Variants in CA10 observed in about 807,000 individuals in gnomAD.
CA10 encodes carbonic anhydrase-related protein 10.
A neutral mutation model predicts 44.2 loss-of-function variants in CA10; 14 were observed. The observed-to-expected ratio is 0.32, with a 90% CI of 0.21 to 0.50. CA10 has a LOEUF of 0.50. CA10 is among the 20% of genes least tolerant of loss of function. CA10 has a pLI of 0.99. For synonymous variants in CA10, 159 were observed against 141.6 expected (o/e 1.12, Z -0.87); for missense variants, 350 against 409.7 (o/e 0.85, Z 1.26).
rs1295494470 is a variant in CA10 at position 52,048,051 on chromosome 17, A to AT, written c.136+24267_136+24268insA. On this transcript the variant is annotated intron_variant, in intron 2 of 8. Transcript: ENST00000451037. ...TCCCACACCCACAAAAATTAAAAAA[A>AT]AAAAAAACATTTGTTTTTGGTTTTA... Among the ~76,000 whole-genome samples, 8 of 151,866 alleles carry AT rather than the reference A, an allele frequency of 5.3e-5. No homozygotes were observed. In the East Asian group the frequency reaches 7.8e-4, roughly 15 times the overall value.
At chr17:51,687,842 TA>T (rs1426176074) in intron 4 of CA10, among the ~76,000 whole-genome samples, 1 of 152,234 alleles carries the variant, frequency 6.6e-6, no homozygotes, top group East Asian at 1.9e-4. Context: ...TCTAGTTTTC[TA>T]AAAAAGTTAT....
At chr17:51,669,587 C>T (rs572456686) in intron 4 of CA10, among the ~76,000 whole-genome samples, 31 of 152,142 alleles carry the variant, frequency 2.0e-4, no homozygotes, top group Non-Finnish European at 2.4e-4. Context: ...TAACACTCAC[C>T]GCGAAGGTCT....
rs888012814 is a variant in CA10 at position 51,816,903 on chromosome 17, T to C, written c.280-69085A>G. On this transcript the variant is annotated intron_variant, in intron 3 of 8. Transcript: ENST00000451037. Reference sequence around the variant, plus strand: ...GGAGCTTGGTTCCTGGATGACTGCATGGAGCAGAGTCCTCCCTTCCACCAA... The same window carrying C: ...GGAGCTTGGTTCCTGGATGACTGCACGGAGCAGAGTCCTCCCTTCCACCAA... 3.9e-5 allele frequency among the ~76,000 whole-genome samples: 6 copies of C among 152,204 alleles called. No individual in the cohort carries two copies. In the South Asian group the frequency reaches 6.2e-4, roughly 16 times the overall value.
At chr17:51,918,588 C>A (rs1302932883) in intron 3 of CA10, among the ~76,000 whole-genome samples, 1 of 152,116 alleles carries the variant, frequency 6.6e-6, no homozygotes, top group African/African-American at 2.4e-5. Context: ...TGTTTCAGAG[C>A]TAAGGGCCAG....
chr17:51,879,894 C>T (rs1001672400), intron 3 of CA10, among the ~76,000 whole-genome samples: 2 of 152,220 alleles, frequency 1.3e-5, no homozygotes, highest in African/African-American at 4.8e-5. Context: ...GTGTATTAAT[C>T]ATGTCTTCTA....
intron 1 of CA10, among the ~76,000 whole-genome samples, chr17:52,132,147 C>T (rs1989256652): frequency 6.6e-6 from 1 of 151,696 alleles, no homozygotes; most frequent in Non-Finnish European, 1.5e-5. Context: ...ACATTATGTA[C>T]ATGTACCCTA....
At chr17:52,022,105 T>C (rs1037203514) in intron 2 of CA10, among the ~76,000 whole-genome samples, 1 of 151,960 alleles carries the variant, frequency 6.6e-6, no homozygotes, top group South Asian at 2.1e-4. Flanking sequence ...ATTCATTTGA[T>C]GAAATCAGCA....
chr17:51,884,559 T>C lies in CA10; in HGVS notation c.279+46431A>G, dbSNP rs528593383. Among the ~76,000 whole-genome samples, 408 of 152,342 alleles carry C rather than the reference T, an allele frequency of 2.7e-3. 1 individual carries two copies. Among genetic ancestry groups the C allele is most frequent in the Non-Finnish European group, 4.5e-3 (309 of 68,036 alleles). On this transcript the variant is annotated intron_variant, in intron 3 of 8. Transcript: ENST00000451037. ...ATTGAGGCTTTCCATGACTATGGTA[T>C]TTAAAATAGCACACAGCTTCTCCTA...
At chr17:51,692,772 C>T (rs1915259855) in intron 4 of CA10, among the ~76,000 whole-genome samples, 1 of 152,208 alleles carries the variant, frequency 6.6e-6, no homozygotes, top group Non-Finnish European at 1.5e-5. Context: ...TGCAGGTTTT[C>T]ATGTGGAAAT....
chr17:51,792,782 A>G (rs938711013), intron 3 of CA10, among the ~76,000 whole-genome samples: 2 of 151,152 alleles, frequency 1.3e-5, no homozygotes, highest in Non-Finnish European at 2.9e-5. Context: ...TTTAACTCTT[A>G]TGACAACTAT....
intron 2 of CA10, among the ~76,000 whole-genome samples, chr17:51,980,317 T>A (rs1984610324): frequency 6.6e-6 from 1 of 152,118 alleles, no homozygotes; most frequent in South Asian, 2.1e-4. Context: ...TTGTTGGCTG[T>A]ATGTGTGTCT....
intron 2 of CA10, among the ~76,000 whole-genome samples, chr17:52,046,510 T>A (rs1462488902): frequency 6.6e-6 from 1 of 151,804 alleles, no homozygotes; most frequent in African/African-American, 2.4e-5. Flanking sequence ...CTACCAAAGC[T>A]TACTGTAGAA....
At chr17:51,859,012 T>A (rs1012123291) in intron 3 of CA10, among the ~76,000 whole-genome samples, 3 of 152,128 alleles carry the variant, frequency 2.0e-5, no homozygotes, top group Non-Finnish European at 4.4e-5. Context: ...TTAAATGAGA[T>A]ATACAAAGCA....
At chr17:52,147,309 G>A (rs1989609594) in intron 1 of CA10, among the ~76,000 whole-genome samples, 2 of 152,076 alleles carry the variant, frequency 1.3e-5, no homozygotes, top group Admixed American at 6.6e-5. Context: ...TACAGTCCCT[G>A]TCTTGCAAGG....
intron 3 of CA10, among the ~76,000 whole-genome samples, chr17:51,830,487 G>A (rs1424232852): frequency 1.3e-5 from 2 of 151,652 alleles, no homozygotes; most frequent in Non-Finnish European, 2.9e-5. Context: ...TCCATGTTTT[G>A]TAGTTTCTAT....
intron 2 of CA10, among the ~76,000 whole-genome samples, chr17:52,059,531 A>C (rs1987322542): frequency 6.6e-6 from 1 of 152,108 alleles, no homozygotes; most frequent in African/African-American, 2.4e-5. Flanking sequence ...CTCCCTGCCC[A>C]AGAAAATTCA....
intron 4 of CA10, among the ~76,000 whole-genome samples, chr17:51,675,168 G>A (rs974599588): frequency 1.3e-5 from 2 of 152,186 alleles, no homozygotes; most frequent in African/African-American, 4.8e-5. Context: ...GAAAAGCATA[G>A]TCCCCCAAAC....
At chr17:51,738,031 A>G (rs1163822404) in intron 4 of CA10, among the ~76,000 whole-genome samples, 1 of 152,212 alleles carries the variant, frequency 6.6e-6, no homozygotes, top group African/African-American at 2.4e-5. Context: ...ACAGGCAACT[A>G]AGTGGCATAA....
chr17:51,660,929 C>T (rs1913982967), intron 4 of CA10, among the ~76,000 whole-genome samples: 1 of 151,988 alleles, frequency 6.6e-6, no homozygotes, highest in African/African-American at 2.4e-5. Context: ...GCTTCCCTTC[C>T]CTTAAACAGA....
Sources: allele counts gnomAD v4.1 joint callset (sites outside exome capture counted in the v4.1 genomes callset), GRCh38; gene constraint gnomAD v4.1.1; transcripts MANE v1.5; gene names NCBI Gene and HGNC (gene_info 2026-07-23, HGNC 2026-07-21).